The following SHROOM2 variants were observed in gnomAD, a reference collection of about 807,000 sequenced individuals.
The protein encoded by SHROOM2 is shroom family member 2.
In SHROOM2, 33 loss-of-function variants were observed where a neutral mutation model predicts 75.9. The ratio of observed to expected loss-of-function variants is 0.43; its 90% CI spans 0.33 to 0.58. The LOEUF is 0.58. SHROOM2 is among the 20% of genes least tolerant of loss of function. The probability of loss-of-function intolerance (pLI) is 0.04; values close to 1 mark genes in which losing one functional copy is unlikely to be tolerated. For synonymous variants in SHROOM2, 655 were observed against 663.6 expected (o/e 0.99, Z 0.20); for missense variants, 1,434 against 1,461.2 (o/e 0.98, Z 0.30).
chrX:9,891,649 T>A (rs1050512261), intron 3 of SHROOM2, among the ~76,000 whole-genome samples: 1 of 111,042 alleles, frequency 9.0e-6, no homozygotes, highest in Non-Finnish European at 1.9e-5. Context: ...AGTGTGTGTG[T>A]GTATCTGTGT....
intron 2 of SHROOM2, among the ~76,000 whole-genome samples, chrX:9,890,716 C>T (rs1413753527): frequency 2.7e-5 from 3 of 110,212 alleles, no homozygotes; most frequent in Non-Finnish European, 3.8e-5. Flanking sequence ...CTGTTTGGCA[C>T]GAGAGTGCAC....
In SHROOM2 at chrX:9,948,616, T is replaced by C. The variant is rs953300305; in HGVS notation, c.*1679T>C. On this transcript the variant is annotated 3_prime_UTR_variant, in exon 10 of 10. Coordinates refer to ENST00000380913, the MANE Select transcript of SHROOM2 (RefSeq NM_001649.4). The stretch of plus-strand genomic sequence containing the variant: ...GAGGGGCCGTGTTGACGGTAATGCA[T>C]TCTCTATAGAGCCAAGTCCAAACTG... The C allele has an allele frequency of 1.8e-5, 2 of 113,564 alleles. No homozygotes were observed. Among genetic ancestry groups the C allele is most frequent in the Non-Finnish European group, 3.7e-5 (2 of 53,500 alleles). 9.4% of individuals were successfully genotyped at this position (113,564 alleles called of 1,213,427 possible).
At chrX:9,796,249 C>T (rs1015404026) in intron 1 of SHROOM2, among the ~76,000 whole-genome samples, 1 of 108,568 alleles carries the variant, frequency 9.2e-6, no homozygotes, top group African/African-American at 3.4e-5. Flanking sequence ...AAAATGAGAC[C>T]CCATCTCTAC....
At chrX:9,869,076 C>T (rs764257229) in intron 1 of SHROOM2, among the ~76,000 whole-genome samples, 13 of 111,731 alleles carry the variant, frequency 1.2e-4, no homozygotes, top group African/African-American at 3.9e-4. Flanking sequence ...CATGCCTCAG[C>T]TTCCCGAGTA....
intron 1 of SHROOM2, among the ~76,000 whole-genome samples, chrX:9,831,504 C>A (rs2083915944): frequency 9.0e-6 from 1 of 111,533 alleles, no homozygotes; most frequent in African/African-American, 3.3e-5. Context: ...ACTAAAAATA[C>A]AAAATTAGCC....
intron 1 of SHROOM2, among the ~76,000 whole-genome samples, chrX:9,859,713 T>C (rs1371141276): frequency 3.6e-5 from 4 of 111,391 alleles, no homozygotes; most frequent in Non-Finnish European, 7.5e-5. Context: ...ACAAAGGGCC[T>C]GTTGTTGCGG....
In SHROOM2 at chrX:9,895,061, C is replaced by T. The variant is rs761430175; in HGVS notation, c.1153C>T (p.Pro385Ser). The change falls in exon 4 of 10, where the codon CCG becomes TCG. Residue 385 changes from proline to serine, a missense_variant. Pro to Ser is a moderately conservative substitution (Grantham distance 74). This residue lies in a region of SHROOM2 where 1,340 missense variants were observed against 1,338.3 expected (regional missense o/e 1.00). Transcript: ENST00000380913. ...PGSLGKGSGG[P>S]GCPQEAHADG... ...GAGCCTCGGGAAGGGATCGGGAGGC[C>T]CGGGCTGCCCACAGGAGGCCCACGC... The T allele has an allele frequency of 9.1e-6, 11 of 1,206,767 alleles. No homozygotes were observed. Among genetic ancestry groups the T allele is most frequent in the Middle Eastern group, 2.3e-4 (1 of 4,332 alleles).
At chrX:9,900,701 A>G (rs1218869797) in intron 5 of SHROOM2, among the ~76,000 whole-genome samples, 1 of 111,471 alleles carries the variant, frequency 9.0e-6, no homozygotes, top group African/African-American at 3.3e-5. Context: ...TCAGAAGCTC[A>G]GAGGAGATAG....
chrX:9,870,599 C>T (rs920298658), intron 1 of SHROOM2, among the ~76,000 whole-genome samples: 13 of 111,842 alleles, frequency 1.2e-4, no homozygotes, highest in Middle Eastern at 9.2e-3. Flanking sequence ...AGCAAATTTT[C>T]CAAAATTGTA....
At chrX:9,904,353 C>T (rs1287526743) in intron 5 of SHROOM2, among the ~76,000 whole-genome samples, 1 of 111,184 alleles carries the variant, frequency 9.0e-6, no homozygotes, top group Non-Finnish European at 1.9e-5. Context: ...TACTCTATCT[C>T]TACAAAAAAT....
At chrX:9,837,562 T>C (rs2146765497) in intron 1 of SHROOM2, among the ~76,000 whole-genome samples, 1 of 112,407 alleles carries the variant, frequency 8.9e-6, no homozygotes, top group African/African-American at 3.2e-5. Flanking sequence ...GGACCAGCCC[T>C]GTTTTGGTGG....
intron 1 of SHROOM2, chrX:9,819,286 A>G (rs1303440906): frequency 3.2e-6 from 2 of 630,478 alleles, no homozygotes; most frequent in South Asian, 2.8e-5. Flanking sequence ...TTCACAATGT[A>G]ACAATGTATC....
Position 9,792,159 on chromosome X carries a change from T to TAATAGAATAGAATAGAATAGAATAGGAA in SHROOM2, c.165+5452_165+5453insAGAATAGAATAGAATAGAATAGGAAAAT, listed in dbSNP as rs1555919910. ...TAGAATAGAATAGAATAGAATAGAA[T>TAATAGAATAGAATAGAATAGAATAGGAA]AATCACCAGTATCTGATACAGGGAG... is the stretch of plus-strand genomic sequence containing the variant. On this transcript the variant is annotated intron_variant, in intron 1 of 9. Transcript: ENST00000380913. Among the ~76,000 whole-genome samples, 4 of 7,395 alleles carry TAATAGAATAGAATAGAATAGAATAGGAA rather than the reference T, an allele frequency of 5.4e-4. 1 individual carries two copies. The Admixed American group carries it at 9.5e-3, about 18-fold the overall frequency. 6.4% of individuals were successfully genotyped at this position (7,395 alleles called of 115,157 possible). A position where few individuals can be genotyped will look rare whatever the true frequency, so the allele number is the denominator to read the frequency against.
At chrX:9,938,037 G>A (rs1400687168) in intron 7 of SHROOM2, among the ~76,000 whole-genome samples, 1 of 110,851 alleles carries the variant, frequency 9.0e-6, no homozygotes, top group Non-Finnish European at 1.9e-5. Context: ...CAATGTCACT[G>A]TGGGGAGGGG....
intron 1 of SHROOM2, among the ~76,000 whole-genome samples, chrX:9,835,830 T>C (rs747147898): frequency 9.0e-6 from 1 of 110,734 alleles, no homozygotes; most frequent in South Asian, 3.9e-4. Context: ...CTCCAACTCC[T>C]GGGCTCAAGT....
chrX:9,812,136 A>C (rs927051651), intron 1 of SHROOM2, among the ~76,000 whole-genome samples: 1 of 111,575 alleles, frequency 9.0e-6, no homozygotes, highest in Non-Finnish European at 1.9e-5. Flanking sequence ...TCAAAAGGAG[A>C]GTAGTTGTCT....
At chrX:9,827,542 T>G (rs754330988) in intron 1 of SHROOM2, among the ~76,000 whole-genome samples, 1 of 109,418 alleles carries the variant, frequency 9.1e-6, no homozygotes, top group South Asian at 4.0e-4. Context: ...TTCTCTTTGG[T>G]TTGAGGCGAG....
At chrX:9,904,842 A>G (rs1158778178) in intron 5 of SHROOM2, among the ~76,000 whole-genome samples, 1 of 111,173 alleles carries the variant, frequency 9.0e-6, no homozygotes. Flanking sequence ...ACAGACATCC[A>G]CCCAGAAGGC....
At chrX:9,836,125 TGGCCCAGGCCCA>T (rs908920829) in intron 1 of SHROOM2, among the ~76,000 whole-genome samples, 25 of 112,289 alleles carry the variant, frequency 2.2e-4, no homozygotes, top group South Asian at 3.7e-4. Context: ...AGATCAGCCC[TGGCCCAGGCCCA>T]GGCCCAGGCC....
Sources: gnomAD v4.1 joint callset for allele counts (sites outside exome capture counted in the v4.1 genomes callset) on GRCh38, gnomAD v4.1.1 for gene constraint, gnomAD v4.1.1 regional missense constraint, MANE v1.5 for transcripts, NCBI Gene and HGNC (gene_info 2026-07-23, HGNC 2026-07-21) for gene names.